LRRC27: variants seen among roughly 807,000 people sequenced by gnomAD.
The protein encoded by LRRC27 is leucine rich repeat containing 27, also known as leucine-rich repeat-containing protein 27.
LRRC27 carries 57 observed loss-of-function variants against 55.0 expected under a neutral mutation model. The ratio of observed to expected loss-of-function variants is 1.04; its 90% confidence interval spans 0.84 to 1.29. LRRC27 has a LOEUF of 1.29. LRRC27 is among the 50% of genes most tolerant of loss of function. The probability of loss-of-function intolerance (pLI) is 0.00; values close to 1 mark genes in which losing one functional copy is unlikely to be tolerated. For missense variants in LRRC27, 721 were observed against 651.5 expected, an observed-to-expected ratio of 1.11 and a Z score of -1.16; for synonymous variants, 278 against 251.9, an observed-to-expected ratio of 1.10 and a Z score of -0.98.
chr10:132,340,000 G>T (rs1483569038), intron 3 of LRRC27, among the ~76,000 whole-genome samples: 1 of 152,132 alleles, frequency 6.6e-6, no homozygotes, highest in African/African-American at 2.4e-5. Context: ...AGTGATTGTG[G>T]GCTTATTAAA....
At position 132,361,553 on chromosome 10, in the gene LRRC27, C is replaced by T; in HGVS notation, c.1267C>T (p.Pro423Ser). The stretch of plus-strand genomic sequence containing the variant: ...AATGAAACCAAGCAAAGAGAAATCG[C>T]CACAAGCAAGTAAAGAAATGAGGTT... ...GKMKPSKEKSPQASKEMSALQ... is the reference protein window; with the variant it reads ...GKMKPSKEKSSQASKEMSALQ... Residue 423 changes from proline (P) to serine (S), a missense_variant, in exon 9 of 11, where the codon CCA becomes TCA. Transcript: ENST00000368614. 1 of 1,613,530 alleles carries T rather than the reference C, an allele frequency of 6.2e-7. No homozygotes were observed. The highest frequency in any genetic ancestry group is 8.5e-7 in the Non-Finnish European group (1 of 1,179,690).
chr10:132,344,672 A>G lies in LRRC27; in HGVS notation c.553+22A>G, dbSNP rs745531700. The G allele has an allele frequency of 2.5e-6, 4 of 1,608,836 alleles. No individual in the cohort carries two copies. In the East Asian group the frequency reaches 8.9e-5, roughly 36 times the overall value. On this transcript the variant is annotated intron_variant, in intron 5 of 10. Transcript: ENST00000368614. ...CAAGGTTTGTAGGAGGTGATTTATG[A>G]CAAATCACATTAACGTTGAAGTTAC...
chr10:132,356,616 C>T (rs2068323931), intron 8 of LRRC27, among the ~76,000 whole-genome samples: 1 of 150,800 alleles, frequency 6.6e-6, no homozygotes, highest in East Asian at 2.0e-4. Flanking sequence ...TCCTGAGTAC[C>T]GTCCCCCAAG....
chr10:132,340,925 A>G (rs1178618938), intron 3 of LRRC27, among the ~76,000 whole-genome samples: 1 of 152,044 alleles, frequency 6.6e-6, no homozygotes, highest in Non-Finnish European at 1.5e-5. Context: ...AATCCAAGAA[A>G]GTAAGTAGAA....
chr10:132,342,429 G>A (rs1355058856), intron 4 of LRRC27, among the ~76,000 whole-genome samples, 158 bp downstream of exon 4: 1 of 152,220 alleles, frequency 6.6e-6, no homozygotes, highest in Non-Finnish European at 1.5e-5. Flanking sequence ...CTCAAGAACT[G>A]TTGATATAGC....
chr10:132,331,498 C>T (rs1041003304), upstream of LRRC27: 3 of 1,612,914 alleles, frequency 1.9e-6, no homozygotes, highest in Non-Finnish European at 2.5e-6. Flanking sequence ...AAAGAGGACG[C>T]TCTGAGTCTG....
rs2069287298 is a variant in LRRC27, at chr10:132,374,148, A to G, written c.1417-918A>G. Among the ~76,000 whole-genome samples the G allele has an allele frequency of 9.1e-6, 1 of 110,496 alleles. No individual in the cohort carries two copies. 72.5% of individuals were successfully genotyped at this position (110,496 alleles called of 152,430 possible). Reference sequence around the variant, plus strand: ...CTGCTGTGATTATGGCTGCATGGTGAGGGGGTGCAGTGGCTCCAGGGACCT... The same window carrying G: ...CTGCTGTGATTATGGCTGCATGGTGGGGGGGTGCAGTGGCTCCAGGGACCT... On this transcript the variant is annotated intron_variant, in intron 10 of 10. Transcript: ENST00000368614. The surrounding 1 kb of genome is among the most constrained non-coding windows in gnomAD (Gnocchi z 4.4).
intron 9 of LRRC27, among the ~76,000 whole-genome samples, chr10:132,363,304 C>T (rs545200579): frequency 6.1e-4 from 93 of 152,300 alleles, no homozygotes; most frequent in Middle Eastern, 3.4e-3. Context: ...CCTCTCACCT[C>T]GCAGCAGCAT....
At chr10:132,341,012 A>C (rs753773072) in intron 3 of LRRC27, among the ~76,000 whole-genome samples, 63 of 152,324 alleles carry the variant, frequency 4.1e-4, no homozygotes, top group African/African-American at 1.5e-3. Context: ...AATTTAAATG[A>C]GGGCTGGGCA....
In LRRC27 at chr10:132,381,051, T is replaced by G. The variant is rs115817550; in HGVS notation, c.*5809T>G. The stretch of plus-strand genomic sequence containing the variant: ...ATATTAAATGTCAACTTGATTAGAT[T>G]GAAGAATGTAAAGTATTGTTTCTGG... On this transcript the variant is annotated 3_prime_UTR_variant, in exon 11 of 11. Transcript: ENST00000368614. Among the ~76,000 whole-genome samples the G allele has an allele frequency of 1.1e-3, 161 of 152,338 alleles. No individual in the cohort carries two copies. Among genetic ancestry groups the G allele is most frequent in the African/African-American group, 3.8e-3 (158 of 41,580 alleles).
In LRRC27 at chr10:132,348,379, G is replaced by C; in HGVS notation, c.926+23G>C. The C allele has an allele frequency of 6.3e-7, 1 of 1,596,358 alleles. No homozygotes were observed. On this transcript the variant is annotated intron_variant, in intron 6 of 10. Coordinates refer to ENST00000368614, the MANE Select transcript of LRRC27 (RefSeq NM_030626.3). The surrounding 1 kb of genome is among the most constrained non-coding windows in gnomAD (Gnocchi z 4.2). ...CAGGTAAAACTGAAAAGCAACGGGG[G>C]ATTTTCTTGATCTTTGCGAATTTAT...
chr10:132,364,465 CCACA>C lies in LRRC27; in HGVS notation c.1290-957_1290-954del, dbSNP rs1199947420. Among the ~76,000 whole-genome samples, 84 of 107,506 alleles carry C rather than the reference CCACA, an allele frequency of 7.8e-4. 1 individual carries two copies. The highest frequency in any genetic ancestry group is 1.1e-3 in the African/African-American group (26 of 23,704). 70.5% of individuals were successfully genotyped at this position (107,506 alleles called of 152,430 possible). On this transcript the variant is annotated intron_variant, in intron 9 of 10. Transcript: ENST00000368614. Reference sequence around the variant, plus strand: ...CCTCCACACCCACACTCACACCCACCCACACTTACACCCACCCACACTTACACCC... The same window carrying C: ...CCTCCACACCCACACTCACACCCACCCTTACACCCACCCACACTTACACCC...
chr10:132,358,948 A>G (rs112678557), intron 8 of LRRC27, among the ~76,000 whole-genome samples: 45 of 3,988 alleles, frequency 0.011, 5 homozygotes, highest in Admixed American at 0.018. Context: ...GGGAGGAGCC[A>G]AGGTGGTGGA....
intron 8 of LRRC27, 39 bp from the exon 9 acceptor site, chr10:132,361,418 T>C (rs1205588947): frequency 6.7e-7 from 1 of 1,499,710 alleles, no homozygotes; most frequent in East Asian, 2.3e-5. Flanking sequence ...AAACATCATC[T>C]ACTGGGATTC....
chr10:132,371,945 C>T (rs1372856317), intron 10 of LRRC27, among the ~76,000 whole-genome samples: 2 of 152,206 alleles, frequency 1.3e-5, no homozygotes, highest in Admixed American at 1.3e-4. Flanking sequence ...CAGGTGAGCC[C>T]TTGTCCTCGC....
upstream of LRRC27, chr10:132,331,736 T>C: frequency 6.2e-7 from 1 of 1,612,126 alleles, no homozygotes; most frequent in East Asian, 2.2e-5. Flanking sequence ...GCACTTAGCA[T>C]CCCGCTCTCT....
intron 10 of LRRC27, among the ~76,000 whole-genome samples, chr10:132,371,089 A>G (rs1369634956): frequency 1.3e-5 from 2 of 152,386 alleles, no homozygotes; most frequent in East Asian, 3.9e-4. Context: ...CTAAGTTCAC[A>G]CTGCACCTCT....
chr10:132,338,586 A>G (rs2497641), intron 3 of LRRC27, among the ~76,000 whole-genome samples: 45,352 of 151,238 alleles, frequency 0.3, 7,009 homozygotes, highest in East Asian at 0.36. Context: ...CCAGGACTCT[A>G]CTCTCACTAT....
chr10:132,374,251 G>C lies in LRRC27; in HGVS notation c.1417-815G>C, dbSNP rs1242091998. ...TGATTATGTCTGTATGGGGCGGGGA[G>C]GCTGCAGGGGTCTCCTGGGACCTGC... On this transcript the variant is annotated intron_variant, in intron 10 of 10. Coordinates refer to ENST00000368614, the MANE Select transcript of LRRC27 (RefSeq NM_030626.3). The surrounding 1 kb of genome is among the most constrained non-coding windows in gnomAD (Gnocchi z 4.4). Among the ~76,000 whole-genome samples, 2 of 152,128 alleles carry C rather than the reference G, an allele frequency of 1.3e-5. No individual in the cohort carries two copies. Among genetic ancestry groups the C allele is most frequent in the Non-Finnish European group, 2.9e-5 (2 of 68,004 alleles).
Sources: allele counts gnomAD v4.1 joint callset (sites outside exome capture counted in the v4.1 genomes callset), GRCh38; gene constraint gnomAD v4.1.1; non-coding constraint Gnocchi (gnomAD v3.1); transcripts MANE v1.5; gene names NCBI Gene and HGNC (gene_info 2026-07-23, HGNC 2026-07-21).